ARAP2: variants seen among roughly 807,000 people sequenced by gnomAD.
The protein encoded by ARAP2 is arf-GAP with Rho-GAP domain, ANK repeat and PH domain-containing protein 2.
A neutral mutation model predicts 194.5 loss-of-function variants in ARAP2; 148 were observed. The observed-to-expected ratio is 0.76, with a 90% confidence interval of 0.67 to 0.87. The LOEUF is 0.87. Among genes scored for constraint, ARAP2 ranks in the 40% least tolerant of loss-of-function variants. The pLI, the probability that ARAP2 is intolerant of heterozygous loss-of-function variation, is 0.00. For synonymous variants in ARAP2, 695 were observed against 683.5 expected (o/e 1.02, Z -0.26); for missense variants, 2,128 against 1,989.7 (o/e 1.07, Z -1.32).
chr4:36,224,315 A>G (rs1291188894), intron 2 of ARAP2, among the ~76,000 whole-genome samples: 2 of 148,762 alleles, frequency 1.3e-5, no homozygotes, highest in Non-Finnish European at 3.0e-5. Flanking sequence ...AAAAAAAAAC[A>G]CAATCATTAG....
intron 7 of ARAP2, among the ~76,000 whole-genome samples, chr4:36,193,077 G>A (rs900332660): frequency 6.6e-6 from 1 of 152,110 alleles, no homozygotes; most frequent in Non-Finnish European, 1.5e-5. Context: ...TGTTTATACC[G>A]ATTTGATGCT....
At chr4:36,192,506 T>A (rs1369798848) in intron 7 of ARAP2, among the ~76,000 whole-genome samples, 1 of 152,170 alleles carries the variant, frequency 6.6e-6, no homozygotes, top group Admixed American at 6.5e-5. Flanking sequence ...AACAGTTTTA[T>A]GGCATGGAAG....
At chr4:36,043,941 A>G (rs560851800) in intron 5 of ARAP2, among the ~76,000 whole-genome samples, 45 of 151,628 alleles carry the variant, frequency 3.0e-4, no homozygotes, top group African/African-American at 1.1e-3. Context: ...AGAAAGAAGG[A>G]AAGAAAGAAT....
chr4:36,150,800 A>G (rs1333539748), intron 16 of ARAP2, 100 bp downstream of exon 16: 1 of 1,300,324 alleles, frequency 7.7e-7, no homozygotes, highest in Non-Finnish European at 1.1e-6. Flanking sequence ...CCCTTCTATT[A>G]GAAGCAACTA....
At chr4:36,231,839 G>C (rs910785781) in intron 1 of ARAP2, among the ~76,000 whole-genome samples, 4 of 152,120 alleles carry the variant, frequency 2.6e-5, no homozygotes, top group Non-Finnish European at 5.9e-5. Context: ...GCTACTGATA[G>C]AATTATGTCC....
intron 11 of ARAP2, among the ~76,000 whole-genome samples, chr4:36,164,608 C>G (rs1422628811): frequency 6.6e-6 from 1 of 152,122 alleles, no homozygotes; most frequent in African/African-American, 2.4e-5. Flanking sequence ...AAGATGCAAG[C>G]TTCTTCAGGA....
rs115400340 is a variant in ARAP2, at chr4:36,202,633, G to A, written c.1487+7757C>T. Among the ~76,000 whole-genome samples, 1,296 of 152,222 alleles carry A rather than the reference G, an allele frequency of 8.5e-3. 17 individuals carry two copies. The highest frequency in any genetic ancestry group is 0.029 in the African/African-American group (1,222 of 41,544). ...GAGCTTAGTGCTTTCATAAAGTGGT[G>A]TATAAAAAGCTATGTTAAAAGATTC... On this transcript the variant is annotated intron_variant, in intron 6 of 32. Coordinates refer to ENST00000303965, the MANE Select transcript of ARAP2 (RefSeq NM_015230.4).
downstream of ARAP2, chr4:36,065,399 C>A: frequency 1.9e-6 from 1 of 520,170 alleles, no homozygotes; most frequent in Non-Finnish European, 3.9e-6. Context: ...GGAATGGCTT[C>A]TCACACTCAG....
chr4:36,011,858 A>G (rs1257264327), intron 9 of ARAP2, among the ~76,000 whole-genome samples: 1 of 152,186 alleles, frequency 6.6e-6, no homozygotes, highest in Non-Finnish European at 1.5e-5. Flanking sequence ...TCACAGGGAA[A>G]AAGATATGGA....
At chr4:36,146,632 T>C (rs1037149740) in intron 19 of ARAP2, among the ~76,000 whole-genome samples, 5 of 152,114 alleles carry the variant, frequency 3.3e-5, no homozygotes, top group Admixed American at 6.6e-5. Context: ...TGAAGCTCTT[T>C]CATTCAAGAT....
At chr4:36,133,052 T>C (rs1725800038) in intron 20 of ARAP2, among the ~76,000 whole-genome samples, 174 bp downstream of exon 20, 1 of 151,678 alleles carries the variant, frequency 6.6e-6, no homozygotes, top group African/African-American at 2.4e-5. Flanking sequence ...TTTAAATGAG[T>C]CTTATTGGGA....
chr4:36,189,813 G>A (rs534171853), intron 7 of ARAP2, among the ~76,000 whole-genome samples: 16 of 152,162 alleles, frequency 1.1e-4, no homozygotes, highest in African/African-American at 2.9e-4. Context: ...AGTAGTCTAT[G>A]TAACTGTCTT....
At chr4:36,138,915 G>A (rs975974499) in intron 19 of ARAP2, among the ~76,000 whole-genome samples, 3 of 151,588 alleles carry the variant, frequency 2.0e-5, no homozygotes, top group Non-Finnish European at 4.4e-5. Context: ...GTTTTAATTT[G>A]TATTTCTCTG....
In ARAP2 at chr4:36,177,554, T is replaced by G. The variant is rs575959958; in HGVS notation, c.1857+273A>C. 2.6e-5 allele frequency among the ~76,000 whole-genome samples: 4 copies of G among 152,268 alleles called. No homozygotes were observed. In the East Asian group the frequency reaches 7.7e-4, roughly 29 times the overall value. On this transcript the variant is annotated intron_variant, in intron 9 of 32. Transcript: ENST00000303965. The stretch of plus-strand genomic sequence containing the variant: ...TGTAGTCGTACAATGTCATTTCAAC[T>G]AAATAAGACTTTTCAAAAATTATTT...
chr4:36,063,826 A>G (rs550244657), downstream of ARAP2, among the ~76,000 whole-genome samples: 8 of 152,346 alleles, frequency 5.3e-5, no homozygotes, highest in South Asian at 1.7e-3. Flanking sequence ...TCTTCATGCA[A>G]ATTTTGTTAA....
At chr4:36,153,692 T>A (rs991150205) in intron 15 of ARAP2, among the ~76,000 whole-genome samples, 2 of 152,198 alleles carry the variant, frequency 1.3e-5, no homozygotes, top group Non-Finnish European at 2.9e-5. Flanking sequence ...TGGAATGATA[T>A]GCGTAATATA....
intron 9 of ARAP2, among the ~76,000 whole-genome samples, chr4:36,012,264 T>C (rs1435159019): frequency 1.3e-5 from 2 of 152,318 alleles, no homozygotes; most frequent in East Asian, 3.9e-4. Context: ...CATTTTATTC[T>C]TGTCAGGTGC....
intron 8 of ARAP2, among the ~76,000 whole-genome samples, chr4:36,015,006 T>C (rs1715526337): frequency 6.6e-6 from 1 of 152,126 alleles, no homozygotes; most frequent in Non-Finnish European, 1.5e-5. Flanking sequence ...TGTTAAAGTT[T>C]TGAGTATGAA....
chr4:36,160,108 T>C (rs1310490691), intron 13 of ARAP2: 1 of 994,080 alleles, frequency 1.0e-6, no homozygotes, highest in African/African-American at 1.7e-5. Context: ...TTTTTTTTTC[T>C]TTTGCCTTGA....
Sources: gnomAD v4.1 joint callset for allele counts (sites outside exome capture counted in the v4.1 genomes callset) on GRCh38, gnomAD v4.1.1 for gene constraint, MANE v1.5 for transcripts, NCBI Gene and HGNC (gene_info 2026-07-23, HGNC 2026-07-21) for gene names.